FNDC3B: variants seen among roughly 807,000 people sequenced by gnomAD.
The protein encoded by FNDC3B is fibronectin type III domain containing 3B.
Under a neutral mutation model 151.5 loss-of-function variants are expected in FNDC3B, and 12 were observed. The ratio of observed to expected loss-of-function variants is 0.08; its 90% CI spans 0.05 to 0.13. The LOEUF (loss-of-function observed/expected upper bound fraction) is 0.13, where lower values mean the gene tolerates loss of function less well. Ranked by LOEUF, FNDC3B falls within the 10% of genes least tolerant of loss-of-function variation. The pLI is 1.00. For missense variants in FNDC3B, 1,214 were observed against 1,505.3 expected (o/e 0.81, Z 3.20); for synonymous variants, 528 against 549.0 (o/e 0.96, Z 0.54).
At chr3:172,230,874 C>T (rs1005127383) in intron 4 of FNDC3B, among the ~76,000 whole-genome samples, 1 of 152,186 alleles carries the variant, frequency 6.6e-6, no homozygotes, top group Non-Finnish European at 1.5e-5. Flanking sequence ...TAAAATAGTA[C>T]ATCTGCTTTG....
intron 1 of FNDC3B, among the ~76,000 whole-genome samples, chr3:172,088,778 C>T (rs1438994158): frequency 6.6e-6 from 1 of 152,144 alleles, no homozygotes; most frequent in African/African-American, 2.4e-5. Context: ...TTAAAAACCA[C>T]ATTTTAAATA....
intron 16 of FNDC3B, among the ~76,000 whole-genome samples, chr3:172,338,524 G>A (rs1287455804): frequency 5.9e-5 from 9 of 151,982 alleles, no homozygotes; most frequent in Non-Finnish European, 1.2e-4. Flanking sequence ...TTTTGCTTCA[G>A]GTTTTTGTTA....
rs758998191 is a variant in FNDC3B at position 172,397,449 on chromosome 3, A to G, written c.3589A>G (p.Ile1197Val). 1.9e-6 allele frequency: 3 copies of G among 1,608,570 alleles called. No individual in the cohort carries two copies. Among genetic ancestry groups the G allele is most frequent in the Non-Finnish European group, 2.5e-6 (3 of 1,177,902 alleles). The change falls in exon 26 of 26, where the codon ATA (isoleucine) becomes GTA (valine). Residue 1197 changes from isoleucine to valine, a missense_variant. Physicochemically the swap from Ile to Val is conservative, Grantham distance 29 (BLOSUM62 3). Coordinates refer to ENST00000415807, the MANE Select transcript of FNDC3B (RefSeq NM_022763.4). ...AACTTTGTCCATTTTATTTGCCTTT[A>G]TATTACAGTACTTCTTAATGAAGTA... ...FATLSILFAF[I>V]LQYFLMK
Position 172,295,403 on chromosome 3 carries a change from C to G in FNDC3B, c.890C>G (p.Ala297Gly). 1 of 1,614,078 alleles carries G rather than the reference C, an allele frequency of 6.2e-7. No homozygotes were observed. Among genetic ancestry groups the G allele is most frequent in the Non-Finnish European group, 8.5e-7 (1 of 1,179,916 alleles). Residue 297 changes from alanine to glycine, a missense_variant, in exon 8 of 26, where the codon GCT becomes GGT. Around this residue, in one of 7 missense-constraint regions of FNDC3B, gnomAD observed 156 missense variants for 225.3 expected, o/e 0.69. Transcript: ENST00000415807. ...GCAAGAGCAGTTGTGTTGTCCTGGG[C>G]TCCCCCTGTTGGACTTTCCTGTGGA... is the stretch of plus-strand genomic sequence containing the variant. Reference protein sequence around the residue: ...IQARAVVLSWAPPVGLSCGPH... With the variant: ...IQARAVVLSWGPPVGLSCGPH...
At chr3:172,386,957 T>A (rs1213376870) in intron 25 of FNDC3B, among the ~76,000 whole-genome samples, 8 of 152,074 alleles carry the variant, frequency 5.3e-5, no homozygotes, top group African/African-American at 1.7e-4. Flanking sequence ...TTTAAAGTCT[T>A]GGAGCCTCCT....
intron 1 of FNDC3B, among the ~76,000 whole-genome samples, chr3:172,079,343 T>G (rs1259188494): frequency 6.6e-6 from 1 of 152,170 alleles, no homozygotes; most frequent in African/African-American, 2.4e-5. Context: ...GGTCTCTCCC[T>G]TTCTCCAAAG....
intron 21 of FNDC3B, among the ~76,000 whole-genome samples, chr3:172,350,163 A>G (rs1304105085): frequency 1.3e-5 from 2 of 152,234 alleles, no homozygotes; most frequent in Non-Finnish European, 2.9e-5. Context: ...GGGAAGGAAG[A>G]AAGTGTAGCT....
At chr3:172,216,955 C>T (rs1336257922) in intron 3 of FNDC3B, among the ~76,000 whole-genome samples, 1 of 152,184 alleles carries the variant, frequency 6.6e-6, no homozygotes, top group African/African-American at 2.4e-5. Context: ...GCTCATGCTG[C>T]TTGAGTTGTC....
intron 3 of FNDC3B, among the ~76,000 whole-genome samples, chr3:172,156,694 GTTTT>G (rs66890930): frequency 7.1e-6 from 1 of 141,826 alleles, no homozygotes. Flanking sequence ...GAGTTTTGAA[GTTTT>G]TTTTTTTTTT....
chr3:172,221,764 CATGA>C (rs1397244832), intron 3 of FNDC3B, among the ~76,000 whole-genome samples: 4 of 152,020 alleles, frequency 2.6e-5, no homozygotes, highest in Admixed American at 6.5e-5. Context: ...CTTGAGTCAC[CATGA>C]ATGATTGCAG....
intron 23 of FNDC3B, 39 bp downstream of exon 23, chr3:172,362,884 C>A: frequency 6.7e-7 from 1 of 1,501,388 alleles, no homozygotes; most frequent in Non-Finnish European, 9.2e-7. Context: ...GCTTCTGTAG[C>A]TTTGGCTTGT....
intron 6 of FNDC3B, among the ~76,000 whole-genome samples, chr3:172,274,854 C>G (rs1729360098): frequency 6.6e-6 from 1 of 152,140 alleles, no homozygotes; most frequent in African/African-American, 2.4e-5. Context: ...CTAAGGACAC[C>G]TGTCATATTA....
At position 172,281,918 on chromosome 3, in the gene FNDC3B, C is replaced by CA. The variant is rs202167348; in HGVS notation, c.791-3999dup. 2.3e-4 allele frequency among the ~76,000 whole-genome samples: 34 copies of CA among 150,592 alleles called. No individual in the cohort carries two copies. The South Asian group carries it at 3.2e-3, about 14-fold the overall frequency. On this transcript the variant is annotated intron_variant, in intron 6 of 25. Coordinates refer to ENST00000415807, the MANE Select transcript of FNDC3B (RefSeq NM_022763.4). ...CATGAGAGAGACAGGAGAAAAAAAA[C>CA]AAAAAAAAAGAAAACATGCCACCAA...
Position 172,333,187 on chromosome 3 carries a change from A to T in FNDC3B, c.1641+12A>T. 6.5e-7 allele frequency: 1 copy of T among 1,526,752 alleles called. No homozygotes were observed. The highest frequency in any genetic ancestry group is 9.1e-7 in the Non-Finnish European group (1 of 1,100,340). The allele number at this position is 1,526,752 out of a possible 1,614,324, so 94.6% of individuals were successfully genotyped here. ...AGTATAAATTCAGGGTGAGTCAGTC[A>T]TTTTGCTACCTGAACTGCTTAAAAA... is the stretch of plus-strand genomic sequence containing the variant. On this transcript the variant is annotated intron_variant, in intron 14 of 25. Transcript: ENST00000415807.
intron 1 of FNDC3B, among the ~76,000 whole-genome samples, chr3:172,067,378 G>C (rs9647379): frequency 0.32 from 48,343 of 152,002 alleles, 9,023 homozygotes; most frequent in Non-Finnish European, 0.41. Flanking sequence ...AGATGAGTTT[G>C]TCTGGCTTAC....
At chr3:172,268,481 G>A (rs1729028179) in intron 6 of FNDC3B, among the ~76,000 whole-genome samples, 1 of 152,182 alleles carries the variant, frequency 6.6e-6, no homozygotes, top group Non-Finnish European at 1.5e-5. Flanking sequence ...AACTCAGCTG[G>A]ATCATGTGGT....
intron 20 of FNDC3B, among the ~76,000 whole-genome samples, 160 bp from the exon 21 acceptor site, chr3:172,347,052 A>C (rs1270054799): frequency 6.6e-6 from 1 of 152,204 alleles, no homozygotes; most frequent in African/African-American, 2.4e-5. Context: ...TTGTGGGTAC[A>C]TAGTAGGTAT....
intron 3 of FNDC3B, among the ~76,000 whole-genome samples, chr3:172,135,841 G>A (rs1212326675): frequency 1.3e-5 from 2 of 152,168 alleles, no homozygotes; most frequent in Admixed American, 6.5e-5. Context: ...GTATGAGTTC[G>A]TGAATACTTC....
At chr3:172,186,946 A>G (rs1560008158) in intron 3 of FNDC3B, 2 of 529,656 alleles carry the variant, frequency 3.8e-6, no homozygotes, top group East Asian at 6.2e-5. Context: ...TATTTTCTAT[A>G]CTAGCTAAAA....
Sources: allele counts gnomAD v4.1 joint callset (sites outside exome capture counted in the v4.1 genomes callset), GRCh38; gene constraint gnomAD v4.1.1; regional missense constraint gnomAD v4.1.1; transcripts MANE v1.5; gene names NCBI Gene and HGNC (gene_info 2026-07-23, HGNC 2026-07-21).